Variants in GPAT3 observed in about 807,000 individuals in gnomAD.
The protein encoded by GPAT3 is 1-AGP acyltransferase 9.
In GPAT3, 53 loss-of-function variants were observed where a neutral mutation model predicts 58.8. The observed-to-expected ratio is 0.90, with a 90% CI of 0.72 to 1.13. The LOEUF (loss-of-function observed/expected upper bound fraction) is 1.13, where lower values mean the gene tolerates loss of function less well. Ranked by LOEUF, GPAT3 falls within the 50% of genes most tolerant of loss-of-function variation. The pLI is 0.00. For missense variants in GPAT3, 511 were observed against 527.6 expected (o/e 0.97, Z 0.31); for synonymous variants, 197 against 187.4 (o/e 1.05, Z -0.42).
chr4:83,577,634 T>C (rs529591436), intron 2 of GPAT3, among the ~76,000 whole-genome samples: 1 of 152,274 alleles, frequency 6.6e-6, no homozygotes, highest in Admixed American at 6.5e-5. Context: ...AAATTATTTT[T>C]TAAAAAGATC....
Position 83,590,277 on chromosome 4 carries a change from T to C in GPAT3, c.723T>C (p.Asp241=), listed in dbSNP as rs776560461. ...SPIDVLILTT[D]GCYAMVGQVH... ...TTGATGTTTTAATCTTGACAACGGA[T>C]GGATGTTATGCTATGGTAAGAGCAG... The change falls in exon 6 of 12, where the codon GAT becomes GAC. Residue 241 remains aspartate (D), a synonymous_variant. Coordinates refer to ENST00000264409, the MANE Select transcript of GPAT3 (RefSeq NM_032717.5). The C allele has an allele frequency of 6.2e-7, 1 of 1,613,682 alleles. No homozygotes were observed. Among genetic ancestry groups the C allele is most frequent in the South Asian group, 1.1e-5 (1 of 91,082 alleles).
At position 83,599,341 on chromosome 4, in the gene GPAT3, A is replaced by G. The variant is rs371328417; in HGVS notation, c.1205+618A>G. 7.9e-5 allele frequency among the ~76,000 whole-genome samples: 12 copies of G among 152,274 alleles called. No individual in the cohort carries two copies. In the South Asian group the frequency reaches 2.1e-3, roughly 26 times the overall value. Reference sequence around the variant, plus strand: ...TACTCAGTGTGTACAGCAAATGGCTATGAGGAAGGAATTTTAAAAAGGACA... The same window carrying G: ...TACTCAGTGTGTACAGCAAATGGCTGTGAGGAAGGAATTTTAAAAAGGACA... On this transcript the variant is annotated intron_variant, in intron 11 of 11. Coordinates refer to ENST00000264409, the MANE Select transcript of GPAT3 (RefSeq NM_032717.5).
chr4:83,593,183 T>TTTTTTTTTTTTTA (rs1560630079), intron 6 of GPAT3, among the ~76,000 whole-genome samples: 7 of 140,986 alleles, frequency 5.0e-5, no homozygotes, highest in South Asian at 2.4e-4. Context: ...TTTTTTTTTT[T>TTTTTTTTTTTTTA]AAACATAGTC....
intron 10 of GPAT3, 115 bp from the exon 11 acceptor site, chr4:83,598,529 G>A (rs1248749111): frequency 1.1e-6 from 1 of 926,390 alleles, no homozygotes; most frequent in Non-Finnish European, 1.7e-6. Context: ...AGAATAGAAA[G>A]CATTTGAGCT....
rs1304327746 is a variant in GPAT3, at chr4:83,587,241, C to G, written c.480-14C>G. 1.2e-6 allele frequency: 2 copies of G among 1,610,940 alleles called. No homozygotes were observed. The highest frequency in any genetic ancestry group is 1.3e-5 in the African/African-American group (1 of 74,632). On this transcript the variant is annotated splice_polypyrimidine_tract_variant and intron_variant, in intron 3 of 11. Coordinates refer to ENST00000264409, the MANE Select transcript of GPAT3 (RefSeq NM_032717.5). Reference sequence around the variant, plus strand: ...GTGTCAAAATCTTATATGGCCCTCTCTTTTCTTTTTCAGGGTTACCTTGGC... The same window carrying G: ...GTGTCAAAATCTTATATGGCCCTCTGTTTTCTTTTTCAGGGTTACCTTGGC...
chr4:83,547,473 C>A (rs970028866), intron 2 of GPAT3, among the ~76,000 whole-genome samples: 4 of 151,632 alleles, frequency 2.6e-5, no homozygotes, highest in South Asian at 2.1e-4. Context: ...AGGATGGTCT[C>A]GATCTCCTGA....
At chr4:83,562,241 AT>A (rs1348283145) in intron 2 of GPAT3, among the ~76,000 whole-genome samples, 1 of 131,012 alleles carries the variant, frequency 7.6e-6, no homozygotes, top group Non-Finnish European at 1.6e-5. Context: ...TATATAATAT[AT>A]ATATATAAAA....
chr4:83,552,860 CATA>C (rs1184874258), intron 2 of GPAT3, among the ~76,000 whole-genome samples: 1 of 152,028 alleles, frequency 6.6e-6, no homozygotes, highest in Non-Finnish European at 1.5e-5. Context: ...AAGGTAGAGC[CATA>C]ATGAGTGGGA....
chr4:83,558,370 G>A (rs1259432086), intron 2 of GPAT3, among the ~76,000 whole-genome samples: 2 of 152,126 alleles, frequency 1.3e-5, no homozygotes, highest in East Asian at 1.9e-4. Context: ...GAATGACAGA[G>A]GCAGAGGTTT....
intron 11 of GPAT3, 92 bp downstream of exon 11, chr4:83,598,815 C>T: frequency 1.2e-6 from 1 of 835,282 alleles, no homozygotes; most frequent in South Asian, 1.7e-5. Context: ...TTTACCCAGG[C>T]TGGAGTGCAG....
chr4:83,577,533 A>G (rs1040668681), intron 2 of GPAT3, among the ~76,000 whole-genome samples: 4 of 152,182 alleles, frequency 2.6e-5, no homozygotes, highest in South Asian at 2.1e-4. Context: ...TATACATATA[A>G]AGATAGAACA....
At position 83,598,056 on chromosome 4, in the gene GPAT3, C is replaced by T. The variant is rs139226112; in HGVS notation, c.1002C>T (p.Asn334=). The change falls in exon 10 of 12, where the codon AAC becomes AAT. Residue 334 remains asparagine, a synonymous_variant. Transcript: ENST00000264409. ...TGTATTTTCTTTTTTCTCAGTATAA[C>T]CCTCAGTTCGGTGATGCATTTTGGA... is the stretch of plus-strand genomic sequence containing the variant. ...GTIHPVAIKY[N]PQFGDAFWNS... is the part of the protein sequence containing the mutation. 14 of 1,613,276 alleles carry T rather than the reference C, an allele frequency of 8.7e-6. No homozygotes were observed. Among genetic ancestry groups the T allele is most frequent in the African/African-American group, 1.3e-5 (1 of 74,796 alleles).
chr4:83,587,637 A>AG (rs1308701561), intron 4 of GPAT3, among the ~76,000 whole-genome samples: 2 of 152,068 alleles, frequency 1.3e-5, no homozygotes, highest in Admixed American at 6.5e-5. Flanking sequence ...CATGTAGGCC[A>AG]GGGGGGTCTC....
rs992001731 is a variant in GPAT3, at chr4:83,551,866, T to C, written c.208+7264T>C. ...TATCTATCTGAAGCAAATATGACAA[T>C]GAGTATTTTTTTTCTTGTTAAACTC... On this transcript the variant is annotated intron_variant, in intron 2 of 11. Transcript: ENST00000264409. Among the ~76,000 whole-genome samples, 10 of 146,238 alleles carry C rather than the reference T, an allele frequency of 6.8e-5. No homozygotes were observed. In the East Asian group the frequency reaches 1.4e-3, roughly 20 times the overall value.
At chr4:83,538,315 A>C (rs1724177269) in intron 1 of GPAT3, among the ~76,000 whole-genome samples, 1 of 152,204 alleles carries the variant, frequency 6.6e-6, no homozygotes, top group Admixed American at 6.5e-5. Flanking sequence ...ATGTTTTTAA[A>C]GTTCTACTGT....
chr4:83,553,068 A>G (rs1232369500), intron 2 of GPAT3, among the ~76,000 whole-genome samples: 2 of 152,216 alleles, frequency 1.3e-5, no homozygotes, highest in East Asian at 1.9e-4. Flanking sequence ...TAAGCTACCC[A>G]GGCTATGGCA....
chr4:83,578,759 A>G (rs1047990708), intron 2 of GPAT3, among the ~76,000 whole-genome samples: 32 of 151,668 alleles, frequency 2.1e-4, no homozygotes, highest in African/African-American at 7.3e-4. Flanking sequence ...ATCCTCTAAT[A>G]CTAATTAAAC....
At chr4:83,547,899 A>C (rs1323889998) in intron 2 of GPAT3, among the ~76,000 whole-genome samples, 1 of 143,964 alleles carries the variant, frequency 6.9e-6, no homozygotes, top group Non-Finnish European at 1.5e-5. Flanking sequence ...ATTGTGCCAA[A>C]TTCCTGGCCT....
intron 11 of GPAT3, among the ~76,000 whole-genome samples, chr4:83,600,538 C>T (rs1348727188): frequency 6.6e-6 from 1 of 152,036 alleles, no homozygotes; most frequent in Non-Finnish European, 1.5e-5. Flanking sequence ...GGAGTCCTCT[C>T]TGTCACCCAG....
Sources: allele counts gnomAD v4.1 joint callset (sites outside exome capture counted in the v4.1 genomes callset), GRCh38; gene constraint gnomAD v4.1.1; transcripts MANE v1.5; gene names NCBI Gene and HGNC (gene_info 2026-07-23, HGNC 2026-07-21).